C10orf67: variants seen among roughly 807,000 people sequenced by gnomAD.
The protein encoded by C10orf67 is uncharacterized protein C10orf67, mitochondrial.
A neutral mutation model predicts 35.6 loss-of-function variants in C10orf67; 60 were observed. The ratio of observed to expected loss-of-function variants is 1.68; its 90% confidence interval spans 1.37 to 2.09. C10orf67 has a LOEUF of 2.09. C10orf67 is among the 30% of genes most tolerant of loss of function. C10orf67 has a pLI of 0.00. For missense variants in C10orf67, 474 were observed against 330.2 expected (o/e 1.44, Z -3.38); for synonymous variants, 167 against 115.8 (o/e 1.44, Z -2.84).
intron 2 of C10orf67, among the ~76,000 whole-genome samples, chr10:23,329,184 G>A (rs896478221): frequency 6.6e-6 from 1 of 151,690 alleles, no homozygotes; most frequent in African/African-American, 2.4e-5. Context: ...AGACAATTCT[G>A]CCAAGAGTCA....
At chr10:23,230,007 T>C (rs1003271921) in intron 13 of C10orf67, among the ~76,000 whole-genome samples, 1 of 152,248 alleles carries the variant, frequency 6.6e-6, no homozygotes, top group East Asian at 1.9e-4. Context: ...AATCCGATTC[T>C]AAAATTTACA....
rs1842883782 is a variant in C10orf67, at chr10:23,266,363, T to C, written c.1099A>G (p.Thr367Ala). The C allele has an allele frequency of 5.0e-6, 2 of 398,516 alleles. No homozygotes were observed. The highest frequency in any genetic ancestry group is 8.8e-6 in the Non-Finnish European group (2 of 226,078). 24.7% of individuals were successfully genotyped at this position (398,516 alleles called of 1,614,324 possible). The part of the protein sequence containing the change: ...LSPWPKSPPS[T>A]TALRPHSATM... ...GCAGAATGTGGCCTCAAAGCTGTGGTGCTGGGTGGAGACTTGGGCCATGGG... is the reference window on the plus strand; with the variant it reads ...GCAGAATGTGGCCTCAAAGCTGTGGCGCTGGGTGGAGACTTGGGCCATGGG... The change falls in exon 10 of 16, where the codon ACC becomes GCC. Residue 367 changes from threonine to alanine, a missense_variant. By Grantham distance (58) the Thr-to-Ala change is moderately conservative. Coordinates refer to ENST00000636213, the MANE Select transcript of C10orf67 (RefSeq NM_001371909.1).
At chr10:23,247,232 T>C (rs1038659531) in intron 12 of C10orf67, among the ~76,000 whole-genome samples, 1 of 152,170 alleles carries the variant, frequency 6.6e-6, no homozygotes, top group African/African-American at 2.4e-5. Context: ...CACCACTGGC[T>C]CACCTAGAGC....
intron 4 of C10orf67, chr10:23,318,931 C>A: frequency 1.3e-6 from 1 of 774,762 alleles, no homozygotes; most frequent in Non-Finnish European, 2.4e-6. Context: ...GCAGCAAATC[C>A]AAGCATCAGA....
At chr10:23,204,327 C>T in intron 15 of C10orf67, 72 bp from the exon 16 acceptor site, 1 of 461,324 alleles carries the variant, frequency 2.2e-6, no homozygotes, top group Non-Finnish European at 4.0e-6. Flanking sequence ...TCCCACTCTT[C>T]CCCCAAAGCA....
intron 4 of C10orf67, among the ~76,000 whole-genome samples, chr10:23,309,132 C>T (rs1483575578): frequency 6.6e-6 from 1 of 152,040 alleles, no homozygotes. Flanking sequence ...TGGAACCAAC[C>T]TAAATGTCCA....
chr10:23,320,175 T>C (rs1428375822), intron 4 of C10orf67, among the ~76,000 whole-genome samples: 2 of 152,200 alleles, frequency 1.3e-5, no homozygotes, highest in African/African-American at 4.8e-5. Flanking sequence ...ATAAGAAACT[T>C]GTAAACAGTG....
rs1841423548 is a variant in C10orf67, at chr10:23,216,091, A to T, written c.1570+7507T>A. ...TATTACAGTACTGGAAATTCTAGCC[A>T]GTGCATTAAGACAGGAAGAAGATAT... is the stretch of plus-strand genomic sequence containing the variant. On this transcript the variant is annotated intron_variant, in intron 15 of 15. Coordinates refer to ENST00000636213, the MANE Select transcript of C10orf67 (RefSeq NM_001371909.1). 1.3e-5 allele frequency among the ~76,000 whole-genome samples: 2 copies of T among 152,210 alleles called. 1 individual carries two copies. Among genetic ancestry groups the T allele is most frequent in the South Asian group, 4.1e-4 (2 of 4,834 alleles).
Position 23,235,170 on chromosome 10 carries a change from G to A in C10orf67, c.1434+4559C>T, listed in dbSNP as rs528012166. Among the ~76,000 whole-genome samples the A allele has an allele frequency of 3.3e-5, 5 of 152,184 alleles. No homozygotes were observed. In the South Asian group the frequency reaches 1.0e-3, roughly 32 times the overall value. The stretch of plus-strand genomic sequence containing the variant: ...CCAATGGAAAAGAATAGCGTAGTTG[G>A]AAATAGACTCATACATAGTCAATTG... On this transcript the variant is annotated intron_variant, in intron 13 of 15. Transcript: ENST00000636213.
chr10:23,246,891 A>G (rs1185219497), intron 12 of C10orf67, among the ~76,000 whole-genome samples: 1 of 152,152 alleles, frequency 6.6e-6, no homozygotes, highest in Non-Finnish European at 1.5e-5. Flanking sequence ...GGGTGTGATC[A>G]CAACTTACTG....
chr10:23,259,143 T>C (rs1174027978), intron 10 of C10orf67, among the ~76,000 whole-genome samples: 1 of 152,220 alleles, frequency 6.6e-6, no homozygotes, highest in Non-Finnish European at 1.5e-5. Flanking sequence ...GAGCAAGTTT[T>C]CAAAATGTAA....
At chr10:23,257,048 T>A (rs1842620097) in intron 10 of C10orf67, among the ~76,000 whole-genome samples, 1 of 152,160 alleles carries the variant, frequency 6.6e-6, no homozygotes, top group South Asian at 2.1e-4. Context: ...GGAGATATAT[T>A]ATGTCAATGG....
intron 10 of C10orf67, among the ~76,000 whole-genome samples, chr10:23,252,955 G>A (rs1842498842): frequency 6.6e-6 from 1 of 151,558 alleles, no homozygotes; most frequent in Admixed American, 6.6e-5. Flanking sequence ...TCTTTCCCAT[G>A]TTGTTCTCAA....
At chr10:23,302,200 TATA>T (rs1159805266) in intron 5 of C10orf67, among the ~76,000 whole-genome samples, 75 of 151,114 alleles carry the variant, frequency 5.0e-4, no homozygotes, top group African/African-American at 1.8e-3. Flanking sequence ...ATTAATGTAT[TATA>T]ATATATCATA....
intron 10 of C10orf67, among the ~76,000 whole-genome samples, chr10:23,252,758 G>A (rs762769876): frequency 9.9e-5 from 15 of 151,928 alleles, no homozygotes; most frequent in Non-Finnish European, 1.6e-4. Context: ...GTTTGTTTTT[G>A]ATGAATTCAG....
chr10:23,316,845 A>C (rs1021032728), intron 4 of C10orf67: 3 of 152,368 alleles, frequency 2.0e-5, no homozygotes, highest in African/African-American at 7.2e-5. Context: ...GGCTGAGTCT[A>C]GGGTTTTTAT....
At chr10:23,313,591 T>C (rs1564505506) in intron 4 of C10orf67, among the ~76,000 whole-genome samples, 1 of 152,206 alleles carries the variant, frequency 6.6e-6, no homozygotes. Flanking sequence ...CAATATGTAC[T>C]GGGTAAATGT....
At chr10:23,279,564 T>G (rs888851096) in intron 8 of C10orf67, among the ~76,000 whole-genome samples, 9 of 152,218 alleles carry the variant, frequency 5.9e-5, no homozygotes, top group Admixed American at 3.3e-4. Flanking sequence ...CAGTCTGGAT[T>G]GTTCCAAGAA....
At chr10:23,229,780 A>G (rs1422747182) in intron 13 of C10orf67, among the ~76,000 whole-genome samples, 3 of 152,076 alleles carry the variant, frequency 2.0e-5, no homozygotes, top group Non-Finnish European at 4.4e-5. Flanking sequence ...ATTACATCTA[A>G]AAAAAGGTAC....
Sources: allele counts gnomAD v4.1 joint callset (sites outside exome capture counted in the v4.1 genomes callset), GRCh38; gene constraint gnomAD v4.1.1; transcripts MANE v1.5; gene names NCBI Gene and HGNC (gene_info 2026-07-23, HGNC 2026-07-21).